The following XYLT1 variants were observed in gnomAD, a reference collection of about 807,000 sequenced individuals.
The protein encoded by XYLT1 is beta-D-xylosyltransferase 1.
In XYLT1, 36 loss-of-function variants were observed where a neutral mutation model predicts 91.3. The ratio of observed to expected loss-of-function variants is 0.39; its 90% CI spans 0.30 to 0.52. XYLT1 has a LOEUF of 0.52. XYLT1 is among the 20% of genes least tolerant of loss of function. The pLI is 0.68. For synonymous variants in XYLT1, 588 were observed against 532.0 expected (o/e 1.11, Z -1.45); for missense variants, 1,242 against 1,284.5 (o/e 0.97, Z 0.51).
intron 1 of XYLT1, among the ~76,000 whole-genome samples, chr16:17,397,207 A>G (rs2035897855): frequency 6.6e-6 from 1 of 152,200 alleles, no homozygotes; most frequent in South Asian, 2.1e-4. Flanking sequence ...TGACTCTTGC[A>G]TTTCAGAGTT....
At chr16:17,445,162 A>C (rs541580239) in intron 1 of XYLT1, among the ~76,000 whole-genome samples, 2 of 152,204 alleles carry the variant, frequency 1.3e-5, no homozygotes, top group East Asian at 3.9e-4. Flanking sequence ...TGCCAGGCTA[A>C]TTGTTTGATT....
At chr16:17,264,550 T>C (rs1026944778) in intron 2 of XYLT1, among the ~76,000 whole-genome samples, 1 of 152,228 alleles carries the variant, frequency 6.6e-6, no homozygotes, top group Non-Finnish European at 1.5e-5. Context: ...ATTTTGGCTT[T>C]TCTGTCCTTT....
intron 10 of XYLT1, among the ~76,000 whole-genome samples, chr16:17,121,188 T>G (rs1390564350): frequency 6.6e-6 from 1 of 152,198 alleles, no homozygotes; most frequent in Non-Finnish European, 1.5e-5. Context: ...TTTCACCAGT[T>G]AGGGGAAGAT....
chr16:17,185,367 T>C (rs1394653458), intron 5 of XYLT1, among the ~76,000 whole-genome samples: 1 of 152,206 alleles, frequency 6.6e-6, no homozygotes. Flanking sequence ...CCTTTCAAAC[T>C]CACACATTAT....
At chr16:17,244,835 TA>T (rs1181895406) in intron 3 of XYLT1, among the ~76,000 whole-genome samples, 3 of 152,176 alleles carry the variant, frequency 2.0e-5, no homozygotes, top group Admixed American at 6.5e-5. Context: ...TCAGCTACTA[TA>T]AAGAAATAAC....
intron 1 of XYLT1, among the ~76,000 whole-genome samples, chr16:17,422,108 G>A (rs4781982): frequency 0.11 from 16,015 of 151,914 alleles, 984 homozygotes; most frequent in Non-Finnish European, 0.15. Context: ...TCAGCCTCCC[G>A]AGTAGCTGGG....
chr16:17,233,593 T>C (rs2033200740), intron 3 of XYLT1, among the ~76,000 whole-genome samples: 1 of 152,242 alleles, frequency 6.6e-6, no homozygotes, highest in African/African-American at 2.4e-5. Flanking sequence ...TTTCTTGGGC[T>C]CACACTCTGT....
chr16:17,375,791 C>A (rs569076842), intron 1 of XYLT1, among the ~76,000 whole-genome samples: 2 of 152,224 alleles, frequency 1.3e-5, no homozygotes, highest in African/African-American at 4.8e-5. Flanking sequence ...CACATTTCCA[C>A]GCTTCAGATA....
intron 1 of XYLT1, among the ~76,000 whole-genome samples, chr16:17,409,048 G>A (rs976850272): frequency 1.3e-5 from 2 of 152,094 alleles, no homozygotes; most frequent in African/African-American, 2.4e-5. Context: ...ACCGAAGAAG[G>A]CCTTAGTCAG....
At chr16:17,190,903 G>A (rs1322302129) in intron 5 of XYLT1, among the ~76,000 whole-genome samples, 3 of 152,142 alleles carry the variant, frequency 2.0e-5, no homozygotes, top group African/African-American at 7.2e-5. Flanking sequence ...TGTAGCCTTG[G>A]GGTCAAGTTT....
At chr16:17,355,810 T>C (rs1418876072) in intron 2 of XYLT1, among the ~76,000 whole-genome samples, 1 of 152,036 alleles carries the variant, frequency 6.6e-6, no homozygotes, top group East Asian at 1.9e-4. Flanking sequence ...CCTGGGTCCA[T>C]GTGATTCTCC....
chr16:17,226,764 C>T (rs759525554), intron 3 of XYLT1, among the ~76,000 whole-genome samples: 1 of 152,180 alleles, frequency 6.6e-6, no homozygotes, highest in Non-Finnish European at 1.5e-5. Flanking sequence ...GCCTGGATGA[C>T]AGAGTGAAAC....
chr16:17,336,806 T>C (rs1004915317), intron 2 of XYLT1, among the ~76,000 whole-genome samples: 1 of 152,228 alleles, frequency 6.6e-6, no homozygotes, highest in East Asian at 1.9e-4. Context: ...TGCCAGTGGC[T>C]GCCTCTTCAG....
At chr16:17,198,152 C>A (rs1366896221) in intron 5 of XYLT1, 60 bp downstream of exon 5, 22 of 1,586,144 alleles carry the variant, frequency 1.4e-5, no homozygotes, top group Non-Finnish European at 1.8e-5. Flanking sequence ...GAGTTCCCAG[C>A]CATGACCAGC....
At chr16:17,213,093 G>A (rs2141601011) in intron 3 of XYLT1, among the ~76,000 whole-genome samples, 1 of 152,290 alleles carries the variant, frequency 6.6e-6, no homozygotes, top group South Asian at 2.1e-4. Context: ...GGACCTGGTG[G>A]GAGGTGACTG....
At chr16:17,184,132 A>G (rs1287299104) in intron 5 of XYLT1, among the ~76,000 whole-genome samples, 1 of 149,890 alleles carries the variant, frequency 6.7e-6, no homozygotes, top group Non-Finnish European at 1.5e-5. Flanking sequence ...GCATCCCAGC[A>G]TGGATACCGT....
chr16:17,298,704 C>G (rs576969014), intron 2 of XYLT1, among the ~76,000 whole-genome samples: 2 of 152,306 alleles, frequency 1.3e-5, no homozygotes, highest in South Asian at 4.1e-4. Context: ...ACCTCCTGTG[C>G]TGCTCTTCAT....
At chr16:17,307,727 G>A (rs1416217382) in intron 2 of XYLT1, among the ~76,000 whole-genome samples, 4 of 152,130 alleles carry the variant, frequency 2.6e-5, no homozygotes, top group Non-Finnish European at 4.4e-5. Context: ...GGGATTGATC[G>A]GGGCTTGGAA....
chr16:17,223,568 G>T (rs2033010757), intron 3 of XYLT1, among the ~76,000 whole-genome samples: 1 of 152,226 alleles, frequency 6.6e-6, no homozygotes, highest in Non-Finnish European at 1.5e-5. Flanking sequence ...CCTCTTCACT[G>T]TCTGGGTGCA....
Sources: allele counts gnomAD v4.1 joint callset (sites outside exome capture counted in the v4.1 genomes callset), GRCh38; gene constraint gnomAD v4.1.1; transcripts MANE v1.5; gene names NCBI Gene and HGNC (gene_info 2026-07-23, HGNC 2026-07-21).